Variants in FILIP1 observed in about 807,000 individuals in gnomAD.
FILIP1 encodes the protein filamin-A-interacting protein 1.
Under a neutral mutation model 102.1 loss-of-function variants are expected in FILIP1, and 61 were observed. The ratio of observed to expected loss-of-function variants is 0.60; its 90% CI spans 0.49 to 0.74. The LOEUF is 0.74. Among genes scored for constraint, FILIP1 ranks in the 30% least tolerant of loss-of-function variants. The probability of loss-of-function intolerance (pLI) is 0.00; values close to 1 mark genes in which losing one functional copy is unlikely to be tolerated. For synonymous variants in FILIP1, 491 were observed against 526.9 expected (o/e 0.93, Z 0.93); for missense variants, 1,314 against 1,441.2 (o/e 0.91, Z 1.43).
chr6:75,307,710 C>T (rs992270551), downstream of FILIP1, among the ~76,000 whole-genome samples: 3 of 152,140 alleles, frequency 2.0e-5, no homozygotes, highest in South Asian at 4.1e-4. Flanking sequence ...AAATAATCCA[C>T]TTCTCCACAC....
chr6:75,489,335 G>A (rs1249052734), intron 1 of FILIP1, among the ~76,000 whole-genome samples: 1 of 152,046 alleles, frequency 6.6e-6, no homozygotes, highest in East Asian at 1.9e-4. Flanking sequence ...TCTGCTTAGA[G>A]TACCCAGCAG....
At chr6:75,319,583 C>T (rs1460359123) in intron 4 of FILIP1, 1 of 490,842 alleles carries the variant, frequency 2.0e-6, no homozygotes, top group African/African-American at 2.0e-5. Flanking sequence ...GTAATCCCAG[C>T]ACTTTGGGAG....
intron 1 of FILIP1, among the ~76,000 whole-genome samples, chr6:75,491,747 G>A (rs1390547690): frequency 6.6e-6 from 1 of 152,188 alleles, no homozygotes; most frequent in Non-Finnish European, 1.5e-5. Flanking sequence ...TGTTTAGCCT[G>A]AGCTGAATTG....
intron 1 of FILIP1, among the ~76,000 whole-genome samples, chr6:75,446,681 T>A (rs904909548): frequency 1.3e-5 from 2 of 152,114 alleles, no homozygotes; most frequent in South Asian, 4.1e-4. Context: ...CAACCATCAA[T>A]CTCTCCCTGG....
chr6:75,473,481 A>ATCC, intron 1 of FILIP1, among the ~76,000 whole-genome samples: 1 of 152,290 alleles, frequency 6.6e-6, no homozygotes, highest in East Asian at 1.9e-4. Context: ...CCAACTAAAG[A>ATCC]AACACGAGAC....
intron 1 of FILIP1, among the ~76,000 whole-genome samples, chr6:75,421,855 G>A (rs1007683416): frequency 2.0e-5 from 3 of 152,124 alleles, no homozygotes; most frequent in Non-Finnish European, 4.4e-5. Context: ...GAGGCTCAGA[G>A]TCACACGGCT....
At chr6:75,333,642 T>C (rs1774150056) in intron 4 of FILIP1, among the ~76,000 whole-genome samples, 1 of 152,124 alleles carries the variant, frequency 6.6e-6, no homozygotes, top group South Asian at 2.1e-4. Context: ...AACCATACCA[T>C]CTGCCCCCAT....
intron 4 of FILIP1, among the ~76,000 whole-genome samples, chr6:75,353,329 A>C (rs1016690998): frequency 6.6e-6 from 1 of 152,210 alleles, no homozygotes; most frequent in African/African-American, 2.4e-5. Context: ...GTGACGCCCT[A>C]CCTATATGCA....
At chr6:75,396,213 G>A (rs368265664) in intron 2 of FILIP1, among the ~76,000 whole-genome samples, 231 of 151,886 alleles carry the variant, frequency 1.5e-3, no homozygotes, top group African/African-American at 5.4e-3. Flanking sequence ...AGATAAGGCT[G>A]AAGTGGTGAG....
At chr6:75,447,513 G>C (rs1401388684) in intron 1 of FILIP1, among the ~76,000 whole-genome samples, 1 of 152,090 alleles carries the variant, frequency 6.6e-6, no homozygotes, top group Non-Finnish European at 1.5e-5. Flanking sequence ...TTCATCCATG[G>C]ATTTGTAGAC....
chr6:75,347,795 G>A (rs1355874550), intron 4 of FILIP1, among the ~76,000 whole-genome samples: 1 of 152,102 alleles, frequency 6.6e-6, no homozygotes, highest in African/African-American at 2.4e-5. Flanking sequence ...TGTTCATATT[G>A]ACTTAAAGGA....
chr6:75,430,917 C>T (rs894782012), intron 1 of FILIP1, among the ~76,000 whole-genome samples: 1 of 152,124 alleles, frequency 6.6e-6, no homozygotes, highest in African/African-American at 2.4e-5. Flanking sequence ...ACATAGCTGT[C>T]TTGTGGTTTG....
intron 2 of FILIP1, among the ~76,000 whole-genome samples, chr6:75,411,492 C>T (rs924502415): frequency 6.6e-6 from 1 of 152,164 alleles, no homozygotes; most frequent in African/African-American, 2.4e-5. Context: ...AGTCTTTGCC[C>T]ATGCCTATGT....
intron 2 of FILIP1, among the ~76,000 whole-genome samples, chr6:75,372,194 C>A (rs1168253631): frequency 6.6e-6 from 1 of 151,566 alleles, no homozygotes; most frequent in Non-Finnish European, 1.5e-5. Context: ...ATGGAGAAAC[C>A]CCGTCTCTAC....
At chr6:75,318,228 CTTTTT>C (rs35536817) in intron 4 of FILIP1, among the ~76,000 whole-genome samples, 1 of 102,892 alleles carries the variant, frequency 9.7e-6, no homozygotes. Context: ...ATTATACAGT[CTTTTT>C]TTTTTTTTTT....
intron 2 of FILIP1, among the ~76,000 whole-genome samples, chr6:75,383,486 A>G (rs1311990489): frequency 6.6e-6 from 1 of 152,140 alleles, no homozygotes; most frequent in African/African-American, 2.4e-5. Flanking sequence ...ATGACACAAA[A>G]ATGTTTGTTA....
At chr6:75,441,568 C>A (rs1458403192) in intron 1 of FILIP1, among the ~76,000 whole-genome samples, 6 of 150,586 alleles carry the variant, frequency 4.0e-5, no homozygotes, top group Non-Finnish European at 8.9e-5. Flanking sequence ...CGGGCAGAGG[C>A]GCCCCTCTCC....
chr6:75,470,731 G>C lies in FILIP1; in HGVS notation c.-7+22683C>G, dbSNP rs372631839. ...TAAAAGTTTGATTTTATCTTACACT[G>C]TTCACAAAATTGTAGTTAAGACTTA... On this transcript the variant is annotated intron_variant, in intron 1 of 5. Transcript: ENST00000237172. 3.3e-5 allele frequency among the ~76,000 whole-genome samples: 5 copies of C among 152,072 alleles called. No individual in the cohort carries two copies. In the East Asian group the frequency reaches 9.6e-4, roughly 29 times the overall value.
intron 1 of FILIP1, among the ~76,000 whole-genome samples, chr6:75,479,668 A>G (rs2149776212): frequency 6.6e-6 from 1 of 152,166 alleles, no homozygotes; most frequent in African/African-American, 2.4e-5. Flanking sequence ...CAGGAGTTCA[A>G]GACCAGTCAG....
Sources: allele counts gnomAD v4.1 joint callset (sites outside exome capture counted in the v4.1 genomes callset), GRCh38; gene constraint gnomAD v4.1.1; transcripts MANE v1.5; gene names NCBI Gene and HGNC (gene_info 2026-07-23, HGNC 2026-07-21).